Variants in ST7 observed in about 807,000 individuals in gnomAD.
ST7 encodes suppressor of tumorigenicity 7 protein.
In ST7, 28 loss-of-function variants were observed where a neutral mutation model predicts 78.7. The observed-to-expected ratio is 0.36, with a 90% CI of 0.26 to 0.49. The LOEUF is 0.49. Among genes scored for constraint, ST7 ranks in the 20% least tolerant of loss-of-function variants. The pLI is 0.99. For missense variants in ST7, 418 were observed against 696.0 expected (o/e 0.60, Z 4.49); for synonymous variants, 247 against 249.6 (o/e 0.99, Z 0.10).
chr7:117,223,993 A>G, intron 15 of ST7: 1 of 956,608 alleles, frequency 1.0e-6, no homozygotes, highest in Non-Finnish European at 1.2e-6. Flanking sequence ...TATACTTATA[A>G]TCATAGCCTC....
At chr7:117,135,985 T>A in intron 7 of ST7, 96 bp from the exon 8 acceptor site, 1 of 1,381,140 alleles carries the variant, frequency 7.2e-7, no homozygotes, top group South Asian at 1.4e-5. Context: ...CTCTGCATGT[T>A]TTGGCGTAAC....
intron 1 of ST7, among the ~76,000 whole-genome samples, chr7:117,081,442 A>G (rs1799766123): frequency 6.6e-6 from 1 of 152,154 alleles, no homozygotes. Context: ...AATTTTTTCA[A>G]TGTGTTAATC....
intron 1 of ST7, among the ~76,000 whole-genome samples, chr7:117,089,728 C>T (rs556678398): frequency 1.7e-4 from 26 of 152,082 alleles, no homozygotes; most frequent in African/African-American, 5.5e-4. Context: ...CCCACCACCA[C>T]GCCCGGCTAG....
intron 1 of ST7, among the ~76,000 whole-genome samples, chr7:117,053,564 T>C (rs1036175380): frequency 1.3e-5 from 2 of 152,164 alleles, no homozygotes; most frequent in Admixed American, 6.5e-5. Flanking sequence ...TTGAGCTGCT[T>C]TATCCTCATC....
intron 1 of ST7, among the ~76,000 whole-genome samples, chr7:117,087,771 C>A (rs1243500864): frequency 6.6e-6 from 1 of 152,148 alleles, no homozygotes; most frequent in Non-Finnish European, 1.5e-5. Flanking sequence ...CCCAGACTCT[C>A]GCCCTTTATG....
chr7:117,039,760 T>C (rs945087113), intron 1 of ST7, among the ~76,000 whole-genome samples: 2 of 152,204 alleles, frequency 1.3e-5, no homozygotes, highest in Non-Finnish European at 2.9e-5. Context: ...TACACTGCAC[T>C]TCAGTACTTC....
intron 1 of ST7, chr7:117,098,782 G>A: frequency 1.5e-6 from 2 of 1,301,414 alleles, no homozygotes; most frequent in Middle Eastern, 2.1e-4. Flanking sequence ...AACAGATTCA[G>A]TAAAGAAATG....
intron 2 of ST7, among the ~76,000 whole-genome samples, chr7:117,111,783 G>C (rs1019581542): frequency 6.6e-6 from 1 of 152,310 alleles, no homozygotes; most frequent in African/African-American, 2.4e-5. Flanking sequence ...TTATCTGCTA[G>C]CAAAGACATG....
At chr7:117,117,917 C>T (rs1031818638) in intron 2 of ST7, 5 of 152,150 alleles carry the variant, frequency 3.3e-5, no homozygotes, top group Non-Finnish European at 7.4e-5. Context: ...TTATAGACTC[C>T]CTTCTAGATC....
chr7:117,092,936 T>C (rs1800744209), intron 1 of ST7, among the ~76,000 whole-genome samples: 1 of 152,200 alleles, frequency 6.6e-6, no homozygotes, highest in African/African-American at 2.4e-5. Context: ...TAGGTTATGG[T>C]TTAGGCTTTA....
chr7:117,103,620 A>C (rs1336650584), intron 2 of ST7, among the ~76,000 whole-genome samples: 1 of 146,480 alleles, frequency 6.8e-6, no homozygotes, highest in Non-Finnish European at 1.5e-5. Context: ...AAATACTTAA[A>C]TCTAAGACCT....
chr7:117,138,582 C>T (rs777216901), intron 9 of ST7, 50 bp downstream of exon 9: 11 of 1,305,582 alleles, frequency 8.4e-6, no homozygotes, highest in Admixed American at 3.9e-5. Flanking sequence ...TATAGGAGCC[C>T]GCTGAATGGC....
intron 1 of ST7, among the ~76,000 whole-genome samples, chr7:117,051,614 A>T (rs1347019479): frequency 6.6e-6 from 1 of 152,156 alleles, no homozygotes; most frequent in African/African-American, 2.4e-5. Context: ...AGTGGACAGG[A>T]GGGAATAGAT....
chr7:117,217,208 T>A (rs1792753391), intron 13 of ST7, among the ~76,000 whole-genome samples: 1 of 151,922 alleles, frequency 6.6e-6, no homozygotes, highest in South Asian at 2.1e-4. Context: ...ACTGAGGGTT[T>A]ATTTATATCA....
chr7:117,100,480 A>G lies in ST7; in HGVS notation c.234+636A>G, dbSNP rs186731269. 9.5e-4 allele frequency among the ~76,000 whole-genome samples: 145 copies of G among 152,270 alleles called. 1 individual carries two copies. The highest frequency in any genetic ancestry group is 3.4e-3 in the Middle Eastern group (1 of 294). ...CAGAGCAAGACTCTGTCTCAAACAA[A>G]CAAACAAAACCAACGATCAAAATGG... On this transcript the variant is annotated intron_variant, in intron 2 of 15. Coordinates refer to ENST00000323984, the MANE Select transcript of ST7 (RefSeq NM_001369598.1).
chr7:117,182,148 A>G (rs1408458221), intron 10 of ST7, among the ~76,000 whole-genome samples: 1 of 152,114 alleles, frequency 6.6e-6, no homozygotes, highest in Non-Finnish European at 1.5e-5. Context: ...ATGTGCTCAG[A>G]TTTGTTCTAG....
intron 9 of ST7, among the ~76,000 whole-genome samples, chr7:117,140,678 G>GTA (rs1290533706): frequency 6.6e-6 from 1 of 151,840 alleles, no homozygotes; most frequent in Non-Finnish European, 1.5e-5. Flanking sequence ...ATGCATGTTT[G>GTA]TATATATATG....
At chr7:117,144,863 G>A (rs1388655119) in intron 9 of ST7, among the ~76,000 whole-genome samples, 1 of 152,038 alleles carries the variant, frequency 6.6e-6, no homozygotes, top group Admixed American at 6.5e-5. Context: ...TAAAAATAAA[G>A]ATTGAGACCA....
At chr7:116,995,303 C>G (rs1794602380) in intron 1 of ST7, among the ~76,000 whole-genome samples, 1 of 152,176 alleles carries the variant, frequency 6.6e-6, no homozygotes, top group Non-Finnish European at 1.5e-5. Flanking sequence ...GGAATAGTAA[C>G]CATCCCCGTC....
Sources: gnomAD v4.1 joint callset for allele counts (sites outside exome capture counted in the v4.1 genomes callset) on GRCh38, gnomAD v4.1.1 for gene constraint, MANE v1.5 for transcripts, NCBI Gene and HGNC (gene_info 2026-07-23, HGNC 2026-07-21) for gene names.